The following FANCI variants were observed in gnomAD, a reference collection of about 807,000 sequenced individuals.
FANCI encodes the protein Fanconi anemia group I protein.
A neutral mutation model predicts 176.1 loss-of-function variants in FANCI; 156 were observed. That is an observed-to-expected ratio of 0.89 (90% CI 0.78 to 1.01). The LOEUF is 1.01. FANCI is among the 50% of genes least tolerant of loss of function. The probability of loss-of-function intolerance (pLI) is 0.00; values close to 1 mark genes in which losing one functional copy is unlikely to be tolerated. For missense variants in FANCI, 1,678 were observed against 1,534.1 expected, an observed-to-expected ratio of 1.09 and a Z score of -1.57; for synonymous variants, 613 against 541.7, an observed-to-expected ratio of 1.13 and a Z score of -1.83.
At chr15:89,263,308 G>A in intron 6 of FANCI, 111 bp from the exon 7 acceptor site, 2 of 812,948 alleles carry the variant, frequency 2.5e-6, no homozygotes, top group Admixed American at 1.9e-5. Flanking sequence ...TTGTTTCTCG[G>A]TATTGCAAAA....
chr15:89,278,902 A>C, intron 14 of FANCI, 128 bp downstream of exon 14: 1 of 707,180 alleles, frequency 1.4e-6, no homozygotes. Context: ...GATGCCAATA[A>C]AGGAAATCCA....
At position 89,268,535 on chromosome 15, in the gene FANCI, A is replaced by G. The variant is rs370227185; in HGVS notation, c.882+10A>G. The G allele has an allele frequency of 2.7e-5, 43 of 1,614,114 alleles. No homozygotes were observed. In the African/African-American group the frequency reaches 4.5e-4, roughly 17 times the overall value. On this transcript the variant is annotated intron_variant, in intron 10 of 37. Coordinates refer to ENST00000310775, the MANE Select transcript of FANCI (RefSeq NM_001113378.2). ...CGTGAAACACTTAAAGGTAGCATCA[A>G]ACTTGTAAGGTGATCTGGGTCTCTT...
chr15:89,256,208 A>G (rs2052486308), intron 2 of FANCI, among the ~76,000 whole-genome samples: 1 of 152,182 alleles, frequency 6.6e-6, no homozygotes, highest in Admixed American at 6.5e-5. Flanking sequence ...AGTGCATTGC[A>G]GAATGTTTGA....
chr15:89,251,515 A>G (rs993907445), intron 2 of FANCI, among the ~76,000 whole-genome samples: 4 of 152,358 alleles, frequency 2.6e-5, no homozygotes, highest in East Asian at 1.9e-4. Context: ...TTTTTATGCT[A>G]TCTTTATCAG....
chr15:89,316,551 T>C lies in FANCI; in HGVS notation c.*92T>C, dbSNP rs3176247. ...CCCCTTGTCCTGTAGTCCACACCGA[T>C]GTTGGCATCTTGGTTCTGAACCCAC... On this transcript the variant is annotated 3_prime_UTR_variant, in exon 38 of 38. Coordinates refer to ENST00000310775, the MANE Select transcript of FANCI (RefSeq NM_001113378.2). 2.0e-4 allele frequency: 274 copies of C among 1,342,692 alleles called. 1 individual carries two copies. The African/African-American group carries it at 3.5e-3, about 17-fold the overall frequency. 83.2% of individuals were successfully genotyped at this position (1,342,692 alleles called of 1,614,324 possible). A position where few individuals can be genotyped will look rare whatever the true frequency, so the allele number is the denominator to read the frequency against.
At chr15:89,247,223 A>T (rs1264378520) in intron 1 of FANCI, among the ~76,000 whole-genome samples, 1 of 152,082 alleles carries the variant, frequency 6.6e-6, no homozygotes, top group Non-Finnish European at 1.5e-5. Context: ...TTATAGTGCT[A>T]TTGGTTTATT....
At chr15:89,294,089 A>G (rs551091661) in intron 23 of FANCI, 92 bp downstream of exon 23, 1 of 1,406,102 alleles carries the variant, frequency 7.1e-7, no homozygotes, top group African/African-American at 1.4e-5. Context: ...TGGATTGTTT[A>G]CAGTAAGAAA....
intron 2 of FANCI, among the ~76,000 whole-genome samples, chr15:89,250,191 TG>T (rs2052176905): frequency 6.6e-6 from 1 of 152,244 alleles, no homozygotes; most frequent in East Asian, 1.9e-4. Flanking sequence ...ATCCCATTAC[TG>T]GGTATATACC....
intron 27 of FANCI, among the ~76,000 whole-genome samples, chr15:89,302,061 C>G (rs913269342): frequency 6.6e-6 from 1 of 152,158 alleles, no homozygotes; most frequent in African/African-American, 2.4e-5. Flanking sequence ...GGGTCTGTAC[C>G]ATTCAGGAGT....
rs2053064752 is a variant in FANCI, at chr15:89,268,470, T to C, written c.827T>C (p.Val276Ala). 3 of 1,614,094 alleles carry C rather than the reference T, an allele frequency of 1.9e-6. No homozygotes were observed. The highest frequency in any genetic ancestry group is 2.2e-5 in the East Asian group (1 of 44,902). The stretch of plus-strand genomic sequence containing the variant: ...GAAGGCACCATTATTCTACACATTG[T>C]GTTTGCCATCAAATTGGACTATGAA... ...HVEGTIILHI[V>A]FAIKLDYELG... Residue 276 changes from valine to alanine, a missense_variant, in exon 10 of 38, where the codon GTG becomes GCG. Physicochemically the swap from Val to Ala is moderately conservative, Grantham distance 64. Around this residue, in one of 3 missense-constraint regions of FANCI, gnomAD observed 469 missense variants for 436.9 expected, o/e 1.07. Coordinates refer to ENST00000310775, the MANE Select transcript of FANCI (RefSeq NM_001113378.2).
At chr15:89,274,106 T>C in intron 11 of FANCI, 62 bp from the exon 12 acceptor site, 1 of 1,238,074 alleles carries the variant, frequency 8.1e-7, no homozygotes, top group East Asian at 2.6e-5. Flanking sequence ...TCTTTCATTC[T>C]GTTAGGTGCT....
In FANCI at chr15:89,291,787, C is replaced by T. The variant is rs1036571306; in HGVS notation, c.1992+73C>T. ...AGGGTTGAACTTTGCAAAGAGATAC[C>T]TTTCCCTGTGAAACTCTCTTCCTGG... On this transcript the variant is annotated intron_variant, in intron 20 of 37. Transcript: ENST00000310775. 5 of 1,181,372 alleles carry T rather than the reference C, an allele frequency of 4.2e-6. No homozygotes were observed. The African/African-American group carries it at 6.0e-5, about 14-fold the overall frequency. 73.2% of individuals were successfully genotyped at this position (1,181,372 alleles called of 1,614,324 possible). A position where few individuals can be genotyped will look rare whatever the true frequency, so the allele number is the denominator to read the frequency against.
At chr15:89,260,309 A>G (rs11854867) in intron 3 of FANCI, among the ~76,000 whole-genome samples, 1 of 152,142 alleles carries the variant, frequency 6.6e-6, no homozygotes, top group South Asian at 2.1e-4. Context: ...AAAGCACTCA[A>G]CTTATTAAAA....
chr15:89,316,045 G>C (rs954405905), intron 37 of FANCI, among the ~76,000 whole-genome samples: 1 of 152,154 alleles, frequency 6.6e-6, no homozygotes, highest in African/African-American at 2.4e-5. Context: ...TCACACTCCA[G>C]GCTCTAATGT....
chr15:89,265,522 T>G (rs928143216), intron 9 of FANCI, among the ~76,000 whole-genome samples: 5 of 151,708 alleles, frequency 3.3e-5, no homozygotes, highest in South Asian at 2.1e-4. Flanking sequence ...TTTTTGTTTT[T>G]TCTTTCTTTC....
At chr15:89,274,336 A>G in intron 12 of FANCI, 32 bp downstream of exon 12, 7 of 1,611,548 alleles carry the variant, frequency 4.3e-6, no homozygotes, top group Non-Finnish European at 5.9e-6. Context: ...CAAAAGGTTT[A>G]TAAGGTGTTT....
At chr15:89,252,600 C>T (rs749973596) in intron 2 of FANCI, among the ~76,000 whole-genome samples, 11 of 152,026 alleles carry the variant, frequency 7.2e-5, no homozygotes, top group East Asian at 1.9e-4. Context: ...ATTAGCTGGG[C>T]GTGGTGGTGC....
At chr15:89,303,777 T>G in intron 27 of FANCI, 87 bp from the exon 28 acceptor site, 1 of 1,168,866 alleles carries the variant, frequency 8.6e-7, no homozygotes, top group Non-Finnish European at 1.3e-6. Flanking sequence ...TGCTTAGATA[T>G]GGAAAGGTCT....
intron 15 of FANCI, 122 bp from the exon 16 acceptor site, chr15:89,281,643 A>T: frequency 1.1e-6 from 1 of 941,692 alleles, no homozygotes; most frequent in South Asian, 1.3e-5. Flanking sequence ...AATAAACATT[A>T]AAACGTATAT....
Sources: gnomAD v4.1 joint callset for allele counts (sites outside exome capture counted in the v4.1 genomes callset) on GRCh38, gnomAD v4.1.1 for gene constraint, gnomAD v4.1.1 regional missense constraint, MANE v1.5 for transcripts, NCBI Gene and HGNC (gene_info 2026-07-23, HGNC 2026-07-21) for gene names.